LIMK2: variants seen among roughly 807,000 people sequenced by gnomAD.
LIMK2 encodes LIM domain kinase 2.
LIMK2 carries 35 observed loss-of-function variants against 75.7 expected under a neutral mutation model. That is an observed-to-expected ratio of 0.46 (90% CI 0.35 to 0.61). LIMK2 has a LOEUF of 0.61. Ranked by LOEUF, LIMK2 falls within the 20% of genes least tolerant of loss-of-function variation. The pLI, the probability that LIMK2 is intolerant of heterozygous loss-of-function variation, is 0.00. For missense variants in LIMK2, 623 were observed against 831.0 expected, an observed-to-expected ratio of 0.75 and a Z score of 3.08; for synonymous variants, 301 against 319.2, an observed-to-expected ratio of 0.94 and a Z score of 0.61.
rs549647068 is a variant in LIMK2 at position 31,222,845 on chromosome 22, C to G, written c.17-2875C>G. On this transcript the variant is annotated intron_variant, in intron 1 of 15. Coordinates refer to ENST00000331728, the MANE Select transcript of LIMK2 (RefSeq NM_005569.4). ...AATTTTAATGTATGTGCTGCTGAAG[C>G]GAGAGTACCAGAGGTTTTTTTGATG... 6 of 152,126 alleles carry G rather than the reference C, an allele frequency of 3.9e-5. No homozygotes were observed. The East Asian group carries it at 9.6e-4, about 24-fold the overall frequency. The allele number at this position is 152,126 out of a possible 1,614,324, so 9.4% of individuals were successfully genotyped here. A position where few individuals can be genotyped will look rare whatever the true frequency, so the allele number is the denominator to read the frequency against.
In LIMK2 at chr22:31,262,177, C is replaced by T. The variant is rs752962006; in HGVS notation, c.595C>T (p.His199Tyr). The change falls in exon 6 of 16, where the codon CAC (histidine) becomes TAC (tyrosine). Residue 199 changes from histidine to tyrosine, a missense_variant. Around this residue, in one of 3 missense-constraint regions of LIMK2, gnomAD observed 514 missense variants for 661.3 expected, o/e 0.78. Transcript: ENST00000331728. The surrounding 1 kb of genome is among the most constrained non-coding windows in gnomAD (Gnocchi z 5.0). Reference protein sequence around the residue: ...HISPNNRNAIHPGDRILEING... With the variant: ...HISPNNRNAIYPGDRILEING... The stretch of plus-strand genomic sequence containing the variant: ...CAGTCCCAACAATCGAAACGCCATC[C>T]ACCCTGGGGACCGCATCCTGGAGAT... The T allele has an allele frequency of 6.8e-6, 11 of 1,614,244 alleles. No individual in the cohort carries two copies. The highest frequency in any genetic ancestry group is 8.5e-6 in the Non-Finnish European group (10 of 1,180,034).
At chr22:31,269,293 T>C (rs999200419) in intron 11 of LIMK2, among the ~76,000 whole-genome samples, 4 of 145,356 alleles carry the variant, frequency 2.8e-5, no homozygotes, top group Admixed American at 6.9e-5. Flanking sequence ...TTTCTTTTTT[T>C]TTTTTTTTTT....
chr22:31,267,895 T>C lies in LIMK2; in HGVS notation c.1248T>C (p.Phe416=), dbSNP rs764121877. The C allele has an allele frequency of 2.5e-6, 4 of 1,602,206 alleles. No individual in the cohort carries two copies. Among genetic ancestry groups the C allele is most frequent in the African/African-American group, 1.3e-5 (1 of 74,248 alleles). Residue 416 remains phenylalanine (F), a synonymous_variant, in exon 10 of 16, where the codon TTT becomes TTC. Coordinates refer to ENST00000331728, the MANE Select transcript of LIMK2 (RefSeq NM_005569.4). ...EYIEGGTLKD[F]LRSMDPFPWQ... is the part of the protein sequence containing the mutation. ...TTGAGGGGGGCACACTGAAGGACTTTCTGCGCAGTATGGTGAGCACACCAC... is the reference window on the plus strand; with the variant it reads ...TTGAGGGGGGCACACTGAAGGACTTCCTGCGCAGTATGGTGAGCACACCAC...
intron 2 of LIMK2, among the ~76,000 whole-genome samples, chr22:31,250,518 C>T (rs991334689): frequency 2.0e-5 from 3 of 152,166 alleles, no homozygotes. Flanking sequence ...GCCCCTACCC[C>T]CAAGCTCCGT....
At chr22:31,219,972 G>A (rs1001385888) in intron 1 of LIMK2, among the ~76,000 whole-genome samples, 1 of 152,196 alleles carries the variant, frequency 6.6e-6, no homozygotes, top group African/African-American at 2.4e-5. Flanking sequence ...GGTACAATGA[G>A]ATATTTTCTT....
intron 2 of LIMK2, among the ~76,000 whole-genome samples, chr22:31,229,583 C>T (rs959897490): frequency 5.3e-5 from 8 of 152,098 alleles, no homozygotes; most frequent in African/African-American, 1.9e-4. Context: ...TTCTTCAAGG[C>T]CCCCTTCCAG....
chr22:31,258,911 T>G, intron 3 of LIMK2: 1 of 519,084 alleles, frequency 1.9e-6, no homozygotes, highest in Non-Finnish European at 3.5e-6. Flanking sequence ...TTCTCATAAC[T>G]GAGACCAAAA....
At chr22:31,240,163 A>T (rs2048612565) in intron 2 of LIMK2, among the ~76,000 whole-genome samples, 4 of 152,182 alleles carry the variant, frequency 2.6e-5, no homozygotes, top group Admixed American at 6.5e-5. Flanking sequence ...CGATTACAAA[A>T]AAAACCCTCA....
intron 2 of LIMK2, among the ~76,000 whole-genome samples, chr22:31,246,479 A>G (rs2048671336): frequency 6.6e-6 from 1 of 152,120 alleles, no homozygotes; most frequent in Admixed American, 6.5e-5. Flanking sequence ...TAATGACACA[A>G]TTGAGTGGCC....
chr22:31,257,611 T>C (rs1216449526), intron 2 of LIMK2, among the ~76,000 whole-genome samples: 3 of 152,326 alleles, frequency 2.0e-5, no homozygotes, highest in African/African-American at 7.2e-5. Flanking sequence ...TGTTTCCTTT[T>C]TTAATCTAAA....
At chr22:31,276,805 G>A (rs775110575) in intron 15 of LIMK2, 46 of 1,610,334 alleles carry the variant, frequency 2.9e-5, no homozygotes, top group Non-Finnish European at 3.6e-5. Context: ...CCCCGGGGCC[G>A]CAGGAGAGGG....
chr22:31,276,835 G>A, intron 15 of LIMK2: 1 of 1,611,944 alleles, frequency 6.2e-7, no homozygotes, highest in South Asian at 1.1e-5. Context: ...CGCGGATGAT[G>A]AGGGCCCAGT....
intron 2 of LIMK2, among the ~76,000 whole-genome samples, chr22:31,235,576 T>A (rs2048566540): frequency 6.6e-6 from 1 of 152,206 alleles, no homozygotes; most frequent in Admixed American, 6.5e-5. Context: ...TGAGTTCAGC[T>A]ACTCTAGCCA....
rs568055437 is a variant in LIMK2, at chr22:31,246,502, A to T, written c.117-11789A>T. 3.3e-5 allele frequency among the ~76,000 whole-genome samples: 5 copies of T among 152,104 alleles called. 1 individual carries two copies. The South Asian group carries it at 1.0e-3, about 31-fold the overall frequency. Reference sequence around the variant, plus strand: ...CAATTGAGTGGCCACGACAGTCTGTATGGCCTGCAGAGCCTAAGATATTTG... The same window carrying T: ...CAATTGAGTGGCCACGACAGTCTGTTTGGCCTGCAGAGCCTAAGATATTTG... On this transcript the variant is annotated intron_variant, in intron 2 of 15. Transcript: ENST00000331728.
At chr22:31,267,730 A>T in intron 9 of LIMK2, 46 bp from the exon 10 acceptor site, 1 of 1,558,854 alleles carries the variant, frequency 6.4e-7, no homozygotes, top group Non-Finnish European at 8.7e-7. Context: ...TAAGGAAGAC[A>T]GTGAGAAGTT....
chr22:31,215,266 T>C (rs1332594619), intron 1 of LIMK2, among the ~76,000 whole-genome samples: 1 of 152,204 alleles, frequency 6.6e-6, no homozygotes, highest in Non-Finnish European at 1.5e-5. Flanking sequence ...GAGAAGGAAG[T>C]GGGACTTAAA....
intron 1 of LIMK2, among the ~76,000 whole-genome samples, chr22:31,225,483 A>G (rs2048469822): frequency 6.6e-6 from 1 of 152,258 alleles, no homozygotes; most frequent in Non-Finnish European, 1.5e-5. Context: ...CCATTTTTAG[A>G]AAATGGAATG....
intron 2 of LIMK2, among the ~76,000 whole-genome samples, chr22:31,251,206 T>G (rs1032350023): frequency 1.3e-5 from 2 of 152,250 alleles, no homozygotes; most frequent in Admixed American, 6.5e-5. Context: ...GTCGGACATC[T>G]TTAAAGCATT....
At chr22:31,214,688 G>A (rs2048375424) in intron 1 of LIMK2, among the ~76,000 whole-genome samples, 1 of 152,000 alleles carries the variant, frequency 6.6e-6, no homozygotes, top group African/African-American at 2.4e-5. Flanking sequence ...GGCAAAAAAA[G>A]CTCACAGAGC....
Sources: allele counts gnomAD v4.1 joint callset (sites outside exome capture counted in the v4.1 genomes callset), GRCh38; gene constraint gnomAD v4.1.1; regional missense constraint gnomAD v4.1.1; non-coding constraint Gnocchi (gnomAD v3.1); transcripts MANE v1.5; gene names NCBI Gene and HGNC (gene_info 2026-07-23, HGNC 2026-07-21).